The following WWOX variants were observed in gnomAD, a reference collection of about 807,000 sequenced individuals.
WWOX encodes WW domain containing oxidoreductase, also known as WW domain-containing oxidoreductase.
A neutral mutation model predicts 46.2 loss-of-function variants in WWOX; 69 were observed. The observed-to-expected ratio is 1.49, with a 90% CI of 1.23 to 1.82. The LOEUF (loss-of-function observed/expected upper bound fraction) is 1.82. Ranked by LOEUF, WWOX falls within the 40% of genes most tolerant of loss-of-function variation. The pLI is 0.00. For synonymous variants in WWOX, 359 were observed against 202.6 expected, an observed-to-expected ratio of 1.77 and a Z score of -6.56; for missense variants, 919 against 542.6, an observed-to-expected ratio of 1.69 and a Z score of -6.89.
At position 78,509,308 on chromosome 16, in the gene WWOX, C is replaced by T. The variant is rs564946028; in HGVS notation, c.1056+76556C>T. 4.6e-4 allele frequency among the ~76,000 whole-genome samples: 70 copies of T among 152,210 alleles called. 1 individual carries two copies. Among genetic ancestry groups the T allele is most frequent in the Non-Finnish European group, 8.7e-4 (59 of 68,016 alleles). On this transcript the variant is annotated intron_variant, in intron 8 of 8. Coordinates refer to ENST00000566780, the MANE Select transcript of WWOX (RefSeq NM_016373.4). ...TACAAAAGTTAGCCGAGCGTGATGG[C>T]CAGCACCTGTAGTCCTAGCTACTTA... is the stretch of plus-strand genomic sequence containing the variant.
chr16:79,108,714 C>T (rs866697878), intron 8 of WWOX, among the ~76,000 whole-genome samples: 1 of 152,070 alleles, frequency 6.6e-6, no homozygotes, highest in Non-Finnish European at 1.5e-5. Context: ...CCAGCCCGGG[C>T]AACACAGTGA....
intron 8 of WWOX, among the ~76,000 whole-genome samples, chr16:78,935,415 T>C (rs2045715171): frequency 6.6e-6 from 1 of 152,078 alleles, no homozygotes; most frequent in African/African-American, 2.4e-5. Flanking sequence ...CATGGAATAC[T>C]ACACAGCCAT....
intron 8 of WWOX, among the ~76,000 whole-genome samples, chr16:79,104,454 T>C (rs943931054): frequency 6.6e-6 from 1 of 152,354 alleles, no homozygotes; most frequent in South Asian, 2.1e-4. Flanking sequence ...TTCATCCGTC[T>C]ATCATATTTG....
rs1003919219 is a variant in WWOX, at chr16:78,522,486, T to C, written c.1056+89734T>C. Among the ~76,000 whole-genome samples, 5 of 152,206 alleles carry C rather than the reference T, an allele frequency of 3.3e-5. No individual in the cohort carries two copies. The East Asian group carries it at 9.7e-4, about 29-fold the overall frequency. ...CTGCAGTCTCTTCCTCTGTCTCCGATGTCACTCTTCTCTGTCTTCTTCAGA... is the reference window on the plus strand; with the variant it reads ...CTGCAGTCTCTTCCTCTGTCTCCGACGTCACTCTTCTCTGTCTTCTTCAGA... On this transcript the variant is annotated intron_variant, in intron 8 of 8. Coordinates refer to ENST00000566780, the MANE Select transcript of WWOX (RefSeq NM_016373.4).
At chr16:79,193,117 T>C (rs535846830) in intron 8 of WWOX, among the ~76,000 whole-genome samples, 31 of 152,354 alleles carry the variant, frequency 2.0e-4, no homozygotes, top group Non-Finnish European at 3.1e-4. Context: ...TTCCATTCCA[T>C]TAGACTTCAT....
chr16:78,226,741 G>A (rs1197154112), intron 5 of WWOX, among the ~76,000 whole-genome samples: 22 of 152,012 alleles, frequency 1.4e-4, no homozygotes, highest in Admixed American at 1.3e-3. Flanking sequence ...CTATGCTGTG[G>A]TTCCTGCTGA....
At chr16:78,278,580 T>C in intron 5 of WWOX, 1 of 1,600,090 alleles carries the variant, frequency 6.2e-7, no homozygotes, top group Non-Finnish European at 8.6e-7. Flanking sequence ...TTTACACAAC[T>C]GTCTTTTGTT....
At chr16:78,745,198 G>T (rs1240707900) in intron 8 of WWOX, among the ~76,000 whole-genome samples, 1 of 152,218 alleles carries the variant, frequency 6.6e-6, no homozygotes, top group Non-Finnish European at 1.5e-5. Flanking sequence ...TTTCCTGGAA[G>T]AACTCAGTAT....
intron 8 of WWOX, among the ~76,000 whole-genome samples, chr16:78,726,052 T>G (rs1367577883): frequency 7.9e-6 from 1 of 126,348 alleles, no homozygotes; most frequent in Non-Finnish European, 1.7e-5. Context: ...TTTCTTACTT[T>G]TACTCCTCCC....
intron 8 of WWOX, among the ~76,000 whole-genome samples, chr16:78,712,446 C>G (rs4888828): frequency 0.66 from 100,301 of 151,444 alleles, 34,674 homozygotes; most frequent in African/African-American, 0.88. Context: ...AGGTTGCAGT[C>G]AGCCGAGATT....
intron 8 of WWOX, among the ~76,000 whole-genome samples, chr16:78,987,547 C>T (rs1168669568): frequency 6.6e-6 from 1 of 152,220 alleles, no homozygotes; most frequent in Non-Finnish European, 1.5e-5. Flanking sequence ...GAGTTTAAAG[C>T]TTTCCTATAA....
At chr16:78,745,522 CTTTTT>C (rs5818168) in intron 8 of WWOX, among the ~76,000 whole-genome samples, 7 of 92,752 alleles carry the variant, frequency 7.5e-5, no homozygotes, top group Non-Finnish European at 6.2e-5. Flanking sequence ...TGTGGAAATC[CTTTTT>C]TTTTTTTTTT....
chr16:78,379,976 A>C (rs141908305), intron 5 of WWOX, among the ~76,000 whole-genome samples: 14 of 152,346 alleles, frequency 9.2e-5, no homozygotes, highest in Admixed American at 8.5e-4. Context: ...AAACGCATTC[A>C]TCTTTAGAGG....
intron 8 of WWOX, chr16:78,825,417 A>G (rs56087110): frequency 6.1e-6 from 2 of 325,366 alleles, no homozygotes; most frequent in South Asian, 6.2e-5. Context: ...CCATCACGAC[A>G]GTAACAAATA....
intron 8 of WWOX, among the ~76,000 whole-genome samples, chr16:78,442,868 A>T (rs2083475066): frequency 6.6e-6 from 1 of 152,072 alleles, no homozygotes; most frequent in Non-Finnish European, 1.5e-5. Flanking sequence ...CATGCCTGTA[A>T]TCCCAGCACT....
chr16:78,631,093 C>T (rs2046417965), intron 8 of WWOX, among the ~76,000 whole-genome samples: 1 of 152,068 alleles, frequency 6.6e-6, no homozygotes. Flanking sequence ...ACAGGAGCAT[C>T]ACATACATTA....
intron 8 of WWOX, among the ~76,000 whole-genome samples, chr16:79,138,764 C>A (rs1260562461): frequency 6.6e-6 from 1 of 152,184 alleles, no homozygotes; most frequent in Non-Finnish European, 1.5e-5. Context: ...GAGGGTGAGA[C>A]TGACATCTCA....
At chr16:78,840,992 C>T (rs2052126779) in intron 8 of WWOX, among the ~76,000 whole-genome samples, 1 of 152,044 alleles carries the variant, frequency 6.6e-6, no homozygotes, top group Admixed American at 6.6e-5. Flanking sequence ...TGGCACTTAG[C>T]AGGTGGGGTC....
At chr16:78,636,351 C>T (rs1017965382) in intron 8 of WWOX, among the ~76,000 whole-genome samples, 1 of 152,082 alleles carries the variant, frequency 6.6e-6, no homozygotes, top group Admixed American at 6.5e-5. Flanking sequence ...CCAAGTTTGG[C>T]CTCTCTGATA....
Sources: gnomAD v4.1 joint callset for allele counts (sites outside exome capture counted in the v4.1 genomes callset) on GRCh38, gnomAD v4.1.1 for gene constraint, MANE v1.5 for transcripts, NCBI Gene and HGNC (gene_info 2026-07-23, HGNC 2026-07-21) for gene names.